CELF4: variants seen among roughly 807,000 people sequenced by gnomAD.
The protein encoded by CELF4 is CUG-BP- and ETR-3-like factor 4.
CELF4 carries 18 observed loss-of-function variants against 59.9 expected under a neutral mutation model. That is an observed-to-expected ratio of 0.30 (90% CI 0.21 to 0.45). The LOEUF is 0.45. CELF4 is among the 20% of genes least tolerant of loss of function. The pLI is 1.00. For missense variants in CELF4, 456 were observed against 689.0 expected (o/e 0.66, Z 3.79); for synonymous variants, 261 against 267.1 (o/e 0.98, Z 0.22).
intron 1 of CELF4, among the ~76,000 whole-genome samples, chr18:37,556,239 TG>T (rs1039794698): frequency 6.6e-6 from 1 of 152,182 alleles, no homozygotes; most frequent in African/African-American, 2.4e-5. Context: ...AACTAGCCAC[TG>T]GGAGGTGCAC....
chr18:37,443,636 G>GGCTCCCCTGGA (rs2099739453), intron 2 of CELF4, among the ~76,000 whole-genome samples: 1 of 152,150 alleles, frequency 6.6e-6, no homozygotes, highest in Admixed American at 6.5e-5. Context: ...GCCTCAGGAA[G>GGCTCCCCTGGA]AGGGTCCAGG....
intron 2 of CELF4, among the ~76,000 whole-genome samples, chr18:37,481,234 A>G (rs9304173): frequency 0.082 from 12,425 of 152,174 alleles, 558 homozygotes; most frequent in East Asian, 0.14. Flanking sequence ...TGGAACTTTA[A>G]TGTTTACCAA....
chr18:37,520,186 G>C (rs951184749), intron 1 of CELF4, among the ~76,000 whole-genome samples: 1 of 152,154 alleles, frequency 6.6e-6, no homozygotes, highest in Non-Finnish European at 1.5e-5. Flanking sequence ...AGAATAGGCT[G>C]CTCCTTCCCC....
At chr18:37,423,064 G>GCACA (rs10654318) in intron 2 of CELF4, among the ~76,000 whole-genome samples, 37,703 of 150,408 alleles carry the variant, frequency 0.25, 4,851 homozygotes, top group Middle Eastern at 0.31. Flanking sequence ...GCGCGCGCGC[G>GCACA]CACACACACA....
intron 1 of CELF4, among the ~76,000 whole-genome samples, chr18:37,499,260 G>A (rs368810139): frequency 2.6e-5 from 4 of 152,152 alleles, no homozygotes; most frequent in East Asian, 1.9e-4. Context: ...GACAGGAGGC[G>A]GTAATGAGCT....
chr18:37,375,541 T>C (rs1292205534), intron 2 of CELF4, among the ~76,000 whole-genome samples: 1 of 152,156 alleles, frequency 6.6e-6, no homozygotes, highest in African/African-American at 2.4e-5. Context: ...TTGGTCCCTA[T>C]AGCTTACTTA....
intron 1 of CELF4, among the ~76,000 whole-genome samples, chr18:37,530,327 G>A (rs2099968224): frequency 2.0e-5 from 3 of 152,220 alleles, no homozygotes; most frequent in Admixed American, 6.5e-5. Context: ...AAGGTCTCTG[G>A]TGGGTCATCT....
At chr18:37,557,116 G>C (rs772815297) in intron 1 of CELF4, among the ~76,000 whole-genome samples, 1 of 152,228 alleles carries the variant, frequency 6.6e-6, no homozygotes, top group Non-Finnish European at 1.5e-5. Flanking sequence ...CAGTAGCACA[G>C]GTGCTCAAGA....
chr18:37,526,939 C>T lies in CELF4; in HGVS notation c.286+38417G>A, dbSNP rs557180660. Among the ~76,000 whole-genome samples, 24 of 152,214 alleles carry T rather than the reference C, an allele frequency of 1.6e-4. No individual in the cohort carries two copies. The South Asian group carries it at 3.9e-3, about 25-fold the overall frequency. On this transcript the variant is annotated intron_variant, in intron 1 of 12. Coordinates refer to ENST00000420428, the MANE Select transcript of CELF4 (RefSeq NM_020180.4). ...CTCTGAGAGCTCTGAAACAAGCCAC[C>T]CGACATGTCCGGGCCTCAGTTGCCT...
chr18:37,531,308 C>A (rs1253689330), intron 1 of CELF4, among the ~76,000 whole-genome samples: 1 of 152,110 alleles, frequency 6.6e-6, no homozygotes, highest in African/African-American at 2.4e-5. Context: ...TTGCAGCCCC[C>A]CAAGGTCCCT....
chr18:37,404,459 A>G (rs1444766865), intron 2 of CELF4, among the ~76,000 whole-genome samples: 1 of 152,232 alleles, frequency 6.6e-6, no homozygotes, highest in Non-Finnish European at 1.5e-5. Flanking sequence ...TCTGGGGCAT[A>G]GACACAGGGC....
chr18:37,521,361 C>G (rs992725192), intron 1 of CELF4, among the ~76,000 whole-genome samples: 1 of 152,108 alleles, frequency 6.6e-6, no homozygotes, highest in African/African-American at 2.4e-5. Context: ...CCCACACTCT[C>G]TATTCTCTCC....
chr18:37,324,230 GT>G (rs2097219522), intron 2 of CELF4, among the ~76,000 whole-genome samples: 1 of 152,142 alleles, frequency 6.6e-6, no homozygotes. Context: ...ACTGAAGTGT[GT>G]CCCGCCAAAA....
At chr18:37,372,772 C>A (rs1055312558) in intron 2 of CELF4, among the ~76,000 whole-genome samples, 13 of 151,786 alleles carry the variant, frequency 8.6e-5, no homozygotes, top group African/African-American at 3.1e-4. Context: ...TAATAATTAC[C>A]CAGTCTCCAG....
chr18:37,521,333 A>G (rs1481941167), intron 1 of CELF4, among the ~76,000 whole-genome samples: 1 of 152,106 alleles, frequency 6.6e-6, no homozygotes, highest in Non-Finnish European at 1.5e-5. Flanking sequence ...ATGGTCCCCC[A>G]GCCCTCCACC....
intron 2 of CELF4, among the ~76,000 whole-genome samples, chr18:37,442,199 A>G (rs944840272): frequency 2.0e-5 from 3 of 152,168 alleles, no homozygotes; most frequent in African/African-American, 4.8e-5. Context: ...CAGCAGCTCA[A>G]TGGAAGGAAC....
At chr18:37,532,161 G>A (rs1267344103) in intron 1 of CELF4, among the ~76,000 whole-genome samples, 1 of 152,142 alleles carries the variant, frequency 6.6e-6, no homozygotes, top group Non-Finnish European at 1.5e-5. Flanking sequence ...CTTGCAGAGG[G>A]CACTTCTGCT....
At chr18:37,335,585 G>A (rs2097743713) in intron 2 of CELF4, among the ~76,000 whole-genome samples, 1 of 151,760 alleles carries the variant, frequency 6.6e-6, no homozygotes. Flanking sequence ...AGTGTGGTCA[G>A]GCGTGGCCCC....
chr18:37,564,423 G>T (rs2154606417), intron 1 of CELF4, among the ~76,000 whole-genome samples: 1 of 152,182 alleles, frequency 6.6e-6, no homozygotes. Context: ...CAATTCCCAT[G>T]ACCACTTTCC....
Sources: gnomAD v4.1 joint callset for allele counts (sites outside exome capture counted in the v4.1 genomes callset) on GRCh38, gnomAD v4.1.1 for gene constraint, MANE v1.5 for transcripts, NCBI Gene and HGNC (gene_info 2026-07-23, HGNC 2026-07-21) for gene names.